The following CDC42BPA variants were observed in gnomAD, a reference collection of about 807,000 sequenced individuals.
The protein encoded by CDC42BPA is serine/threonine-protein kinase MRCK alpha.
In CDC42BPA, 80 loss-of-function variants were observed where a neutral mutation model predicts 223.5. The ratio of observed to expected loss-of-function variants is 0.36; its 90% CI spans 0.30 to 0.43. The LOEUF is 0.43. Ranked by LOEUF, CDC42BPA falls within the 20% of genes least tolerant of loss-of-function variation. The pLI is 1.00. For missense variants in CDC42BPA, 1,743 were observed against 2,099.9 expected, an observed-to-expected ratio of 0.83 and a Z score of 3.32; for synonymous variants, 694 against 718.6, an observed-to-expected ratio of 0.97 and a Z score of 0.55.
At chr1:227,139,105 G>A (rs1296543117) in intron 10 of CDC42BPA, among the ~76,000 whole-genome samples, 1 of 152,250 alleles carries the variant, frequency 6.6e-6, no homozygotes, top group Admixed American at 6.5e-5. Flanking sequence ...ACCAGGTGGA[G>A]TAAACAATCA....
intron 32 of CDC42BPA, among the ~76,000 whole-genome samples, chr1:227,017,964 T>C (rs1167574508): frequency 2.6e-5 from 4 of 151,856 alleles, no homozygotes; most frequent in Non-Finnish European, 5.9e-5. Context: ...AAATGCAACA[T>C]GATCCTCGTG....
chr1:227,114,752 A>G (rs934711547), intron 12 of CDC42BPA, among the ~76,000 whole-genome samples: 1 of 152,192 alleles, frequency 6.6e-6, no homozygotes, highest in African/African-American at 2.4e-5. Context: ...GGAGCATTTC[A>G]GATTTTGGAT....
At chr1:227,297,228 A>G (rs1690802198) in intron 1 of CDC42BPA, among the ~76,000 whole-genome samples, 1 of 152,230 alleles carries the variant, frequency 6.6e-6, no homozygotes, top group East Asian at 1.9e-4. Flanking sequence ...TCAAAGCCAC[A>G]ATGAACCACC....
intron 15 of CDC42BPA, among the ~76,000 whole-genome samples, chr1:227,096,431 C>T (rs1222816153): frequency 6.6e-6 from 1 of 152,226 alleles, no homozygotes; most frequent in Non-Finnish European, 1.5e-5. Flanking sequence ...TGTCTTCCCA[C>T]TCACTGGTAA....
chr1:227,175,369 T>C (rs1051562835), intron 5 of CDC42BPA, among the ~76,000 whole-genome samples: 4 of 152,184 alleles, frequency 2.6e-5, no homozygotes, highest in African/African-American at 9.6e-5. Context: ...TCATAAAATA[T>C]ATCCACTGAG....
chr1:226,994,744 A>G lies in CDC42BPA; in HGVS notation c.5133+79T>C. Reference sequence around the variant, plus strand: ...CCGAACCCTGCTGCAGCTGAGGCCAATCCCAAGGTGGTGGGATTGCCTGGG... The same window carrying G: ...CCGAACCCTGCTGCAGCTGAGGCCAGTCCCAAGGTGGTGGGATTGCCTGGG... On this transcript the variant is annotated intron_variant, in intron 36 of 36. Transcript: ENST00000366766. The surrounding 1 kb of genome is among the most constrained non-coding windows in gnomAD (Gnocchi z 4.0). 1 of 1,433,410 alleles carries G rather than the reference A, an allele frequency of 7.0e-7. No homozygotes were observed. The highest frequency in any genetic ancestry group is 1.3e-5 in the South Asian group (1 of 74,860). 88.8% of individuals were successfully genotyped at this position (1,433,410 alleles called of 1,614,324 possible).
At position 227,129,296 on chromosome 1, in the gene CDC42BPA, A is replaced by AT. The variant is rs1326593634; in HGVS notation, c.1391-66dup. 11 of 1,180,802 alleles carry AT rather than the reference A, an allele frequency of 9.3e-6. No individual in the cohort carries two copies. In the East Asian group the frequency reaches 2.4e-4, roughly 26 times the overall value. 73.1% of individuals were successfully genotyped at this position (1,180,802 alleles called of 1,614,324 possible). ...ACTCTAAATTCTTAAAACTAATAACATTATTTTTTTGGAGAGAAATTCTTA... is the reference window on the plus strand; with the variant it reads ...ACTCTAAATTCTTAAAACTAATAACATTTATTTTTTTGGAGAGAAATTCTTA... On this transcript the variant is annotated intron_variant, in intron 10 of 36. Transcript: ENST00000366766.
chr1:227,026,708 C>T (rs1306699849), intron 30 of CDC42BPA, among the ~76,000 whole-genome samples: 1 of 152,134 alleles, frequency 6.6e-6, no homozygotes, highest in African/African-American at 2.4e-5. Context: ...AAGAGCTACA[C>T]AAAAAAGTCA....
At chr1:227,082,216 T>A (rs576848170) in intron 16 of CDC42BPA, among the ~76,000 whole-genome samples, 18 of 149,840 alleles carry the variant, frequency 1.2e-4, no homozygotes, top group African/African-American at 2.7e-4. Context: ...TTTTATTTTT[T>A]AAATTTTTTT....
chr1:227,078,867 A>C (rs1363624600), intron 17 of CDC42BPA, among the ~76,000 whole-genome samples: 1 of 152,168 alleles, frequency 6.6e-6, no homozygotes, highest in Non-Finnish European at 1.5e-5. Flanking sequence ...AAATGCCTCC[A>C]AATCTGGAAC....
rs373032133 is a variant in CDC42BPA at position 227,031,376 on chromosome 1, G to A, written c.3697C>T (p.Arg1233Cys). 30 of 1,613,864 alleles carry A rather than the reference G, an allele frequency of 1.9e-5. No homozygotes were observed. Among genetic ancestry groups the A allele is most frequent in the African/African-American group, 4.0e-5 (3 of 74,846 alleles). ...KILKKNKFRDRSVYVPKEAYD... is the reference protein window; with the variant it reads ...KILKKNKFRDCSVYVPKEAYD... Reference sequence around the variant, plus strand: ...GCCTCTTTGGGAACATAGACTGAGCGGTCTCTGAATTTGTTTTTCTTCAAA... The same window carrying A: ...GCCTCTTTGGGAACATAGACTGAGCAGTCTCTGAATTTGTTTTTCTTCAAA... The change falls in exon 28 of 37, where the codon CGC (arginine) becomes TGC (cysteine). Residue 1233 changes from arginine (R) to cysteine (C), a missense_variant. This residue lies in a region of CDC42BPA where 678 missense variants were observed against 777.5 expected (regional missense o/e 0.87). Coordinates refer to ENST00000366766, the MANE Select transcript of CDC42BPA (RefSeq NM_001394014.1).
chr1:227,080,054 T>C (rs11810506), intron 17 of CDC42BPA, among the ~76,000 whole-genome samples: 43,035 of 151,872 alleles, frequency 0.28, 6,313 homozygotes, highest in African/African-American at 0.35. Flanking sequence ...CACAAAGTCA[T>C]GTCTAAAATT....
chr1:227,065,141 T>C (rs1373924942), intron 21 of CDC42BPA, among the ~76,000 whole-genome samples: 1 of 148,804 alleles, frequency 6.7e-6, no homozygotes, highest in Non-Finnish European at 1.5e-5. Context: ...CAAACCCTTC[T>C]TTATCTGTCC....
intron 1 of CDC42BPA, among the ~76,000 whole-genome samples, chr1:227,297,928 A>G (rs1690924255): frequency 2.1e-5 from 3 of 143,820 alleles, no homozygotes; most frequent in African/African-American, 7.7e-5. Context: ...CTAAAATGGC[A>G]AATTTTGTTT....
chr1:227,005,165 TGC>T, intron 34 of CDC42BPA, 54 bp from the exon 35 acceptor site: 1 of 1,158,182 alleles, frequency 8.6e-7, no homozygotes. Flanking sequence ...CTGATTTTTC[TGC>T]AGAGATGTCT....
intron 8 of CDC42BPA, among the ~76,000 whole-genome samples, chr1:227,144,573 T>C (rs1298348744): frequency 9.6e-5 from 1 of 10,406 alleles, no homozygotes; most frequent in Non-Finnish European, 1.6e-4. Context: ...AGACTCTGTC[T>C]CAAAAAAAAA....
chr1:227,209,506 C>G (rs933568095), intron 3 of CDC42BPA, among the ~76,000 whole-genome samples: 1 of 138,538 alleles, frequency 7.2e-6, no homozygotes, highest in African/African-American at 2.8e-5. Flanking sequence ...TCATAGATAG[C>G]TCTTATTATT....
At chr1:227,173,285 C>T (rs1558673313) in intron 5 of CDC42BPA, among the ~76,000 whole-genome samples, 1 of 152,126 alleles carries the variant, frequency 6.6e-6, no homozygotes, top group Non-Finnish European at 1.5e-5. Flanking sequence ...GAAAGCTTGC[C>T]TAAAGACCAC....
intron 7 of CDC42BPA, among the ~76,000 whole-genome samples, chr1:227,146,360 T>C (rs1660703890): frequency 6.6e-6 from 1 of 152,132 alleles, no homozygotes; most frequent in African/African-American, 2.4e-5. Flanking sequence ...TCAAATGATG[T>C]ACATGCTATT....
Sources: gnomAD v4.1 joint callset for allele counts (sites outside exome capture counted in the v4.1 genomes callset) on GRCh38, gnomAD v4.1.1 for gene constraint, gnomAD v4.1.1 regional missense constraint, Gnocchi (gnomAD v3.1) non-coding constraint, MANE v1.5 for transcripts, NCBI Gene and HGNC (gene_info 2026-07-23, HGNC 2026-07-21) for gene names.